MAPKAP1: variants seen among roughly 807,000 people sequenced by gnomAD.
MAPKAP1 encodes the protein MAPK associated protein 1.
Under a neutral mutation model 65.7 loss-of-function variants are expected in MAPKAP1, and 20 were observed. The observed-to-expected ratio is 0.30, with a 90% CI of 0.21 to 0.44. The LOEUF (loss-of-function observed/expected upper bound fraction) is 0.44, where lower values mean the gene tolerates loss of function less well. MAPKAP1 is among the 20% of genes least tolerant of loss of function. MAPKAP1 has a pLI of 1.00. For synonymous variants in MAPKAP1, 222 were observed against 244.3 expected, an observed-to-expected ratio of 0.91 and a Z score of 0.85; for missense variants, 423 against 648.0, an observed-to-expected ratio of 0.65 and a Z score of 3.77.
intron 4 of MAPKAP1, among the ~76,000 whole-genome samples, chr9:125,653,359 A>C (rs1833945309): frequency 6.6e-6 from 1 of 152,216 alleles, no homozygotes; most frequent in Non-Finnish European, 1.5e-5. Flanking sequence ...AGTTTGACGA[A>C]AAGTGGAAAG....
rs1307367736 is a variant in MAPKAP1, at chr9:125,549,239, A to G, written c.849-6071T>C. Among the ~76,000 whole-genome samples the G allele has an allele frequency of 3.9e-5, 6 of 152,250 alleles. No individual in the cohort carries two copies. In the East Asian group the frequency reaches 1.2e-3, roughly 29 times the overall value. The stretch of plus-strand genomic sequence containing the variant: ...AAAAGCCACAGTCTCAGTTTGCAGA[A>G]GTGGGAAAAGGTTGCTACGAGCAGT... On this transcript the variant is annotated intron_variant, in intron 6 of 11. Coordinates refer to ENST00000265960, the MANE Select transcript of MAPKAP1 (RefSeq NM_001006617.3).
At chr9:125,652,852 A>C (rs568540779) in intron 4 of MAPKAP1, among the ~76,000 whole-genome samples, 46 of 152,184 alleles carry the variant, frequency 3.0e-4, no homozygotes, top group Non-Finnish European at 5.0e-4. Flanking sequence ...CTGAACTTCA[A>C]CATGCAGACC....
At chr9:125,591,146 A>G (rs1831949571) in intron 4 of MAPKAP1, among the ~76,000 whole-genome samples, 1 of 152,178 alleles carries the variant, frequency 6.6e-6, no homozygotes, top group Non-Finnish European at 1.5e-5. Context: ...CCCAATAACC[A>G]AGGTGGAAGA....
intron 7 of MAPKAP1, among the ~76,000 whole-genome samples, chr9:125,541,146 T>C (rs10114882): frequency 0.3 from 45,606 of 152,108 alleles, 7,911 homozygotes; most frequent in Middle Eastern, 0.4. Context: ...TAACGAGTCC[T>C]AACTCTTTGC....
chr9:125,681,031 A>G (rs892364748), intron 1 of MAPKAP1, among the ~76,000 whole-genome samples: 1 of 152,256 alleles, frequency 6.6e-6, no homozygotes, highest in Non-Finnish European at 1.5e-5. Context: ...TAATCCTTAC[A>G]GCCACTTCAG....
At chr9:125,546,481 C>T (rs759840921) in intron 6 of MAPKAP1, among the ~76,000 whole-genome samples, 1 of 152,128 alleles carries the variant, frequency 6.6e-6, no homozygotes, top group Non-Finnish European at 1.5e-5. Context: ...TCTCAGCCTC[C>T]GTCTAGGTGC....
intron 4 of MAPKAP1, among the ~76,000 whole-genome samples, chr9:125,633,033 A>G (rs1833330995): frequency 6.6e-6 from 1 of 152,222 alleles, no homozygotes; most frequent in Non-Finnish European, 1.5e-5. Flanking sequence ...GGCTCCTAGC[A>G]ATCACTACTT....
At chr9:125,582,590 A>G (rs1831657447) in intron 5 of MAPKAP1, among the ~76,000 whole-genome samples, 1 of 152,216 alleles carries the variant, frequency 6.6e-6, no homozygotes, top group African/African-American at 2.4e-5. Context: ...TAGGGATAAC[A>G]TAAACCCAGC....
At chr9:125,578,301 C>G (rs1484864017) in intron 5 of MAPKAP1, among the ~76,000 whole-genome samples, 1 of 151,802 alleles carries the variant, frequency 6.6e-6, no homozygotes, top group East Asian at 1.9e-4. Context: ...TGCGGAAGGC[C>G]GCAGGGTCCT....
intron 1 of MAPKAP1, among the ~76,000 whole-genome samples, chr9:125,698,288 AATATATATATATAT>A (rs57303829): frequency 0.08 from 3,879 of 48,656 alleles, 130 homozygotes; most frequent in Middle Eastern, 0.13. Context: ...AATATATATA[AATATATATATATAT>A]ATATATATAT....
In MAPKAP1 at chr9:125,622,679, C is replaced by T. The variant is rs1053197646; in HGVS notation, c.498+34972G>A. On this transcript the variant is annotated intron_variant, in intron 4 of 11. Transcript: ENST00000265960. Reference sequence around the variant, plus strand: ...CAGGCTGGTCTCAATCTCCTAACCTCGTGATCTGCCCATCTTGGCCTCCCA... The same window carrying T: ...CAGGCTGGTCTCAATCTCCTAACCTTGTGATCTGCCCATCTTGGCCTCCCA... Among the ~76,000 whole-genome samples, 22 of 152,272 alleles carry T rather than the reference C, an allele frequency of 1.4e-4. No individual in the cohort carries two copies. In the East Asian group the frequency reaches 1.5e-3, roughly 11 times the overall value.
chr9:125,596,258 T>A (rs1832122520), intron 4 of MAPKAP1: 4 of 762,768 alleles, frequency 5.2e-6, no homozygotes, highest in Admixed American at 5.1e-5. Context: ...GTCGAAGTGG[T>A]TCTGGAAACT....
At chr9:125,622,345 T>C (rs145669982) in intron 4 of MAPKAP1, among the ~76,000 whole-genome samples, 45 of 152,350 alleles carry the variant, frequency 3.0e-4, no homozygotes, top group African/African-American at 9.1e-4. Context: ...TTTGTGATAT[T>C]TGAATTTCTC....
rs537155392 is a variant in MAPKAP1 at position 125,449,587 on chromosome 9, C to T, written c.1346-4989G>A. On this transcript the variant is annotated intron_variant, in intron 10 of 11. Transcript: ENST00000265960. ...ATCTGGATATGTAGAACTGTATTTA[C>T]ACTTATGTAAGTTTTTCAAAGTAAG... Among the ~76,000 whole-genome samples, 5 of 152,208 alleles carry T rather than the reference C, an allele frequency of 3.3e-5. No homozygotes were observed. The South Asian group carries it at 1.0e-3, about 32-fold the overall frequency.
chr9:125,610,826 C>T (rs928169671), intron 4 of MAPKAP1, among the ~76,000 whole-genome samples: 9 of 152,142 alleles, frequency 5.9e-5, no homozygotes, highest in Admixed American at 4.6e-4. Flanking sequence ...TAGAAGCAAA[C>T]GCAGATCCTA....
At chr9:125,701,449 C>T (rs75192137) in intron 1 of MAPKAP1, among the ~76,000 whole-genome samples, 2,959 of 152,236 alleles carry the variant, frequency 0.019, 148 homozygotes, top group East Asian at 0.15. Flanking sequence ...AGGCTGTTAG[C>T]GGTATCCGCA....
intron 5 of MAPKAP1, among the ~76,000 whole-genome samples, chr9:125,563,819 C>T (rs1157344576): frequency 3.9e-5 from 6 of 152,126 alleles, no homozygotes; most frequent in Admixed American, 1.3e-4. Context: ...CAGTTTCAAG[C>T]GATTCTCCTG....
chr9:125,663,535 T>G (rs1439063674), intron 3 of MAPKAP1, among the ~76,000 whole-genome samples: 1 of 152,246 alleles, frequency 6.6e-6, no homozygotes, highest in Non-Finnish European at 1.5e-5. Flanking sequence ...ACTGTTTATC[T>G]ACCCCCAATC....
intron 5 of MAPKAP1, among the ~76,000 whole-genome samples, chr9:125,565,089 T>A (rs1315406061): frequency 6.6e-6 from 1 of 152,224 alleles, no homozygotes; most frequent in Non-Finnish European, 1.5e-5. Flanking sequence ...CAGGGCAGAA[T>A]ATATATGATA....
Sources: allele counts gnomAD v4.1 joint callset (sites outside exome capture counted in the v4.1 genomes callset), GRCh38; gene constraint gnomAD v4.1.1; transcripts MANE v1.5; gene names NCBI Gene and HGNC (gene_info 2026-07-23, HGNC 2026-07-21).